EDAR: variants seen among roughly 807,000 people sequenced by gnomAD.
EDAR encodes ectodysplasin A receptor, also known as tumor necrosis factor receptor superfamily member EDAR.
EDAR carries 38 observed loss-of-function variants against 51.3 expected under a neutral mutation model. That is an observed-to-expected ratio of 0.74 (90% CI 0.57 to 0.97). The LOEUF (loss-of-function observed/expected upper bound fraction) is 0.97, where lower values mean the gene tolerates loss of function less well. Ranked by LOEUF, EDAR falls within the 50% of genes least tolerant of loss-of-function variation. EDAR has a pLI of 0.00. For missense variants in EDAR, 528 were observed against 595.0 expected, an observed-to-expected ratio of 0.89 and a Z score of 1.17; for synonymous variants, 227 against 242.1, an observed-to-expected ratio of 0.94 and a Z score of 0.58.
Position 108,931,083 on chromosome 2 carries a change from G to A in EDAR, c.-18-51C>T, listed in dbSNP as rs1240370704. The A allele has an allele frequency of 5.3e-6, 8 of 1,513,592 alleles. No individual in the cohort carries two copies. The African/African-American group carries it at 6.9e-5, about 13-fold the overall frequency. The allele number at this position is 1,513,592 out of a possible 1,614,324, so 93.8% of individuals were successfully genotyped here. A position where few individuals can be genotyped will look rare whatever the true frequency, so the allele number is the denominator to read the frequency against. ...GCACTGGCGGTAGCACCCCAGCCGG[G>A]GGTCTGGCTACCTTTATTTAACCCC... is the stretch of plus-strand genomic sequence containing the variant. On this transcript the variant is annotated intron_variant, in intron 1 of 11. Coordinates refer to ENST00000258443, the MANE Select transcript of EDAR (RefSeq NM_022336.4).
intron 1 of EDAR, among the ~76,000 whole-genome samples, chr2:108,982,516 T>C (rs1207267331): frequency 2.6e-5 from 4 of 152,256 alleles, no homozygotes; most frequent in African/African-American, 9.6e-5. Flanking sequence ...TTGTACTTCA[T>C]TTTGCAATCT....
intron 5 of EDAR, among the ~76,000 whole-genome samples, chr2:108,915,472 G>C (rs763759567): frequency 2.6e-4 from 39 of 152,226 alleles, no homozygotes; most frequent in South Asian, 2.1e-4. Flanking sequence ...CCTGTCCACT[G>C]AGGGGCAAAT....
chr2:108,962,564 A>C (rs1698068735), intron 1 of EDAR, among the ~76,000 whole-genome samples: 1 of 150,968 alleles, frequency 6.6e-6, no homozygotes, highest in South Asian at 2.1e-4. Flanking sequence ...AGTCCCAGCT[A>C]CTCGGGAGGC....
At chr2:108,908,267 G>T (rs1026435208) in intron 9 of EDAR, among the ~76,000 whole-genome samples, 10 of 152,128 alleles carry the variant, frequency 6.6e-5, no homozygotes, top group Non-Finnish European at 1.3e-4. Flanking sequence ...CGTCTAAGGG[G>T]CTGGGGCTGC....
At chr2:108,940,766 G>A (rs1271324142) in intron 1 of EDAR, among the ~76,000 whole-genome samples, 1 of 152,230 alleles carries the variant, frequency 6.6e-6, no homozygotes, top group Admixed American at 6.5e-5. Flanking sequence ...TGATGAGAGT[G>A]GTGTTCTCAG....
chr2:108,957,794 C>T (rs1425377019), intron 1 of EDAR, among the ~76,000 whole-genome samples: 1 of 152,234 alleles, frequency 6.6e-6, no homozygotes, highest in Non-Finnish European at 1.5e-5. Flanking sequence ...TTTCTTTCCC[C>T]TTTTGCTCCT....
intron 1 of EDAR, among the ~76,000 whole-genome samples, chr2:108,983,427 T>C (rs1209253214): frequency 6.6e-6 from 1 of 152,246 alleles, no homozygotes. Flanking sequence ...CAGTAAACCA[T>C]AAAACCACAT....
chr2:108,937,995 C>T (rs1049052762), intron 1 of EDAR, among the ~76,000 whole-genome samples: 12 of 152,154 alleles, frequency 7.9e-5, no homozygotes, highest in African/African-American at 2.7e-4. Flanking sequence ...TTCTTGCACA[C>T]GTAGAATAAT....
chr2:108,973,883 A>G (rs191240047), intron 1 of EDAR, among the ~76,000 whole-genome samples: 1 of 152,382 alleles, frequency 6.6e-6, no homozygotes, highest in East Asian at 1.9e-4. Flanking sequence ...TGAGGATCAC[A>G]GGGTTTTCAG....
At chr2:108,926,758 G>C (rs1477138014) in intron 4 of EDAR, among the ~76,000 whole-genome samples, 1 of 152,258 alleles carries the variant, frequency 6.6e-6, no homozygotes, top group Non-Finnish European at 1.5e-5. Flanking sequence ...GGAGCATCAG[G>C]AGAAGCACCT....
chr2:108,958,484 C>A (rs1697967377), intron 1 of EDAR, among the ~76,000 whole-genome samples: 1 of 151,816 alleles, frequency 6.6e-6, no homozygotes, highest in Admixed American at 6.6e-5. Context: ...AGAAGGCTCA[C>A]AAGGGTGCGT....
chr2:108,940,705 G>A (rs1697577282), intron 1 of EDAR, among the ~76,000 whole-genome samples: 2 of 152,244 alleles, frequency 1.3e-5, no homozygotes, highest in South Asian at 2.1e-4. Context: ...GTCACACCAC[G>A]CGATGACGTG....
chr2:108,915,738 AG>A lies in EDAR; in HGVS notation c.443-2975del, dbSNP rs564250021. Among the ~76,000 whole-genome samples the A allele has an allele frequency of 7.8e-3, 1,194 of 152,140 alleles. 19 individuals carry two copies. The highest frequency in any genetic ancestry group is 0.027 in the African/African-American group (1,140 of 41,502). On this transcript the variant is annotated intron_variant, in intron 5 of 11. Coordinates refer to ENST00000258443, the MANE Select transcript of EDAR (RefSeq NM_022336.4). ...ATGGTGAAACCCCAACTCTACTAAA[AG>A]TACAAAAATTAGCTGGGCCTGGTGG...
At chr2:108,898,821 A>G (rs1696648235) in intron 11 of EDAR, among the ~76,000 whole-genome samples, 1 of 152,242 alleles carries the variant, frequency 6.6e-6, no homozygotes. Context: ...GCTCAATGAC[A>G]GAGTAAGACA....
chr2:108,988,166 C>T (rs1014516906), intron 1 of EDAR, among the ~76,000 whole-genome samples: 2 of 152,208 alleles, frequency 1.3e-5, no homozygotes, highest in African/African-American at 4.8e-5. Flanking sequence ...TTTTAACTGT[C>T]CCTCTTGTTG....
At chr2:108,968,949 C>T (rs1698193195) in intron 1 of EDAR, among the ~76,000 whole-genome samples, 1 of 152,206 alleles carries the variant, frequency 6.6e-6, no homozygotes, top group South Asian at 2.1e-4. Context: ...TGTAAGACTT[C>T]ACTGCTCTGT....
chr2:108,920,247 C>T (rs1412235727), intron 5 of EDAR, among the ~76,000 whole-genome samples: 1 of 152,252 alleles, frequency 6.6e-6, no homozygotes, highest in Non-Finnish European at 1.5e-5. Flanking sequence ...TCGCCCACGT[C>T]ATCACATCTT....
intron 11 of EDAR, 45 bp downstream of exon 11, chr2:108,906,263 C>T (rs1342275383): frequency 1.2e-6 from 2 of 1,602,526 alleles, no homozygotes; most frequent in Non-Finnish European, 1.7e-6. Flanking sequence ...CCCTTCATGT[C>T]GGTGGGGTGG....
chr2:108,910,931 G>A lies in EDAR; in HGVS notation c.655+16C>T, dbSNP rs377483763. The A allele has an allele frequency of 2.9e-5, 47 of 1,614,136 alleles. No homozygotes were observed. The highest frequency in any genetic ancestry group is 6.7e-5 in the East Asian group (3 of 44,884). ...AGAGTCCAGGAAGCAGGGCACCGGC[G>A]CATGGGGGCCGTCACCTGGGGCAGA... On this transcript the variant is annotated intron_variant, in intron 7 of 11. Coordinates refer to ENST00000258443, the MANE Select transcript of EDAR (RefSeq NM_022336.4).
Sources: gnomAD v4.1 joint callset for allele counts (sites outside exome capture counted in the v4.1 genomes callset) on GRCh38, gnomAD v4.1.1 for gene constraint, MANE v1.5 for transcripts, NCBI Gene and HGNC (gene_info 2026-07-23, HGNC 2026-07-21) for gene names.